ZNF540: variants seen among roughly 807,000 people sequenced by gnomAD.
ZNF540 encodes CTD-3064H18.6.
Under a neutral mutation model 11.8 loss-of-function variants are expected in ZNF540, and 3 were observed. The observed-to-expected ratio is 0.25, with a 90% CI of 0.12 to 0.65. The LOEUF (loss-of-function observed/expected upper bound fraction) is 0.65, where lower values mean the gene tolerates loss of function less well. ZNF540 is among the 30% of genes least tolerant of loss of function. The pLI, the probability that ZNF540 is intolerant of heterozygous loss-of-function variation, is 0.83. For synonymous variants in ZNF540, 247 were observed against 259.0 expected (o/e 0.95, Z 0.45); for missense variants, 709 against 793.1 (o/e 0.89, Z 1.27).
Position 37,612,726 on chromosome 19 carries a change from T to C in ZNF540, c.1446T>C (p.Ile482=), listed in dbSNP as rs1377119147. ...AGACCTTTCGAGTTCGTTCTCAAAT[T>C]AGTCTACATAAGAAAATTCATACTG... ...CGKTFRVRSQ[I]SLHKKIHTDV... Residue 482 remains isoleucine, a synonymous_variant, in exon 5 of 5, where the codon ATT becomes ATC. Coordinates refer to ENST00000316433, the MANE Select transcript of ZNF540 (RefSeq NM_001172225.3). 4 of 1,613,952 alleles carry C rather than the reference T, an allele frequency of 2.5e-6. No individual in the cohort carries two copies. Among genetic ancestry groups the C allele is most frequent in the South Asian group, 1.1e-5 (1 of 91,088 alleles).
At chr19:37,592,295 T>C (rs1407491312), upstream of ZNF540, among the ~76,000 whole-genome samples, 1 of 152,160 alleles carries the variant, frequency 6.6e-6, no homozygotes, top group Non-Finnish European at 1.5e-5. Context: ...AAGTGGACGT[T>C]ATAACCTTTA....
chr19:37,588,616 A>G (rs1222834454), intron 1 of ZNF540, among the ~76,000 whole-genome samples: 1 of 152,232 alleles, frequency 6.6e-6, no homozygotes, highest in Admixed American at 6.5e-5. Context: ...TATCCTGCTC[A>G]CTACCTGGGT....
intron 1 of ZNF540, chr19:37,564,748 A>G: frequency 1.2e-6 from 2 of 1,613,826 alleles, no homozygotes; most frequent in South Asian, 1.1e-5. Context: ...CACATTCCTT[A>G]CATTCATAGG....
At chr19:37,565,648 A>G in intron 1 of ZNF540, 2 of 1,613,358 alleles carry the variant, frequency 1.2e-6, no homozygotes, top group South Asian at 1.1e-5. Context: ...AACAATAACT[A>G]AAGGCTTTTC....
chr19:37,563,941 T>C (rs752491031), intron 1 of ZNF540: 1 of 152,186 alleles, frequency 6.6e-6, no homozygotes, highest in Admixed American at 6.5e-5. Flanking sequence ...CCAAAAACTT[T>C]TGCTTTTGGA....
At chr19:37,555,379 T>G (rs1301147175) in intron 1 of ZNF540, 1 of 158,408 alleles carries the variant, frequency 6.3e-6, no homozygotes, top group East Asian at 1.9e-4. Context: ...TTAAGATACA[T>G]AAGTTTGACA....
upstream of ZNF540, among the ~76,000 whole-genome samples, chr19:37,592,052 G>A (rs181735228): frequency 6.6e-6 from 1 of 152,090 alleles, no homozygotes; most frequent in Admixed American, 6.5e-5. Flanking sequence ...GAGGTCAGGA[G>A]TTGCAGACCA....
intron 1 of ZNF540, chr19:37,586,348 C>T: frequency 3.4e-6 from 1 of 293,062 alleles, no homozygotes; most frequent in East Asian, 6.3e-5. Context: ...AAACACTCAT[C>T]TCTACCTCAC....
intron 4 of ZNF540, among the ~76,000 whole-genome samples, chr19:37,609,325 C>T (rs1335818596): frequency 3.3e-5 from 5 of 152,016 alleles, no homozygotes; most frequent in African/African-American, 9.7e-5. Flanking sequence ...GGGCGGATCA[C>T]AAGGTCAGGG....
At chr19:37,587,032 CT>C (rs2043698916) in intron 1 of ZNF540, 1 of 249,886 alleles carries the variant, frequency 4.0e-6, no homozygotes, top group East Asian at 8.1e-5. Context: ...GACCCAAACA[CT>C]AAGTCAGGTA....
At position 37,612,259 on chromosome 19, in the gene ZNF540, T is replaced by C. The variant is rs1327304030; in HGVS notation, c.979T>C (p.Tyr327His). The C allele has an allele frequency of 3.1e-6, 5 of 1,613,966 alleles. No individual in the cohort carries two copies. Among genetic ancestry groups the C allele is most frequent in the Admixed American group, 3.3e-5 (2 of 60,016 alleles). ...HERIHTGKKP[Y>H]ECKECGKAFS... Reference sequence around the variant, plus strand: ...GAGAATTCATACAGGTAAGAAACCCTATGAATGTAAGGAGTGTGGGAAAGC... The same window carrying C: ...GAGAATTCATACAGGTAAGAAACCCCATGAATGTAAGGAGTGTGGGAAAGC... Residue 327 changes from tyrosine to histidine, a missense_variant, in exon 5 of 5, where the codon TAT becomes CAT. Tyr to His is a moderately conservative substitution (Grantham distance 83, BLOSUM62 2). Coordinates refer to ENST00000316433, the MANE Select transcript of ZNF540 (RefSeq NM_001172225.3).
rs73617163 is a variant in ZNF540 at position 37,583,841 on chromosome 19, G to A, written c.-72-14535G>A. 1.5e-3 allele frequency: 1,306 copies of A among 875,644 alleles called. 14 individuals carry two copies. The African/African-American group carries it at 0.02, about 13-fold the overall frequency. 54.2% of individuals were successfully genotyped at this position (875,644 alleles called of 1,614,324 possible). ...AAGGATAAGAGATAAAAAGGTACAC[G>A]GTGGAGCTGTCCATTTCTACTTCTA... On this transcript the variant is annotated intron_variant, in intron 1 of 4. Coordinates refer to the ZNF540 transcript ENST00000592533.
Position 37,613,692 on chromosome 19 carries a change from G to A in ZNF540, c.*429G>A, listed in dbSNP as rs1370565084. On this transcript the variant is annotated 3_prime_UTR_variant, in exon 5 of 5. Transcript: ENST00000316433. ...ATTATCATCAACATTATTATTAGTG[G>A]ATTTCTTAATAGGAAGATGCAATGG... 7.5e-6 allele frequency: 3 copies of A among 397,464 alleles called. No individual in the cohort carries two copies. The highest frequency in any genetic ancestry group is 7.1e-5 in the East Asian group (2 of 28,014). 24.6% of individuals were successfully genotyped at this position (397,464 alleles called of 1,614,324 possible). A position where few individuals can be genotyped will look rare whatever the true frequency, so the allele number is the denominator to read the frequency against.
chr19:37,583,680 G>C (rs543576600), intron 1 of ZNF540: 7 of 225,006 alleles, frequency 3.1e-5, no homozygotes, highest in Non-Finnish European at 5.3e-5. Context: ...ATTTGGCTTA[G>C]GGACTGCACA....
chr19:37,591,002 A>G (rs993399939), upstream of ZNF540, among the ~76,000 whole-genome samples: 1 of 152,250 alleles, frequency 6.6e-6, no homozygotes, highest in Non-Finnish European at 1.5e-5. Flanking sequence ...AGCATAAAAC[A>G]GAGATACAAG....
chr19:37,574,646 C>G (rs1408824075), intron 1 of ZNF540, among the ~76,000 whole-genome samples: 2 of 152,114 alleles, frequency 1.3e-5, no homozygotes, highest in Non-Finnish European at 2.9e-5. Flanking sequence ...ATCACCATAC[C>G]TAAACTTTTC....
intron 1 of ZNF540, among the ~76,000 whole-genome samples, chr19:37,557,532 C>T (rs770707240): frequency 7.9e-5 from 12 of 152,254 alleles, no homozygotes; most frequent in African/African-American, 2.2e-4. Flanking sequence ...CATCTGTCTC[C>T]GTGGTAACAG....
At chr19:37,584,065 G>A (rs763750519) in intron 1 of ZNF540, 2 of 1,614,144 alleles carry the variant, frequency 1.2e-6, no homozygotes, top group South Asian at 2.2e-5. Flanking sequence ...CCTGAGAGAA[G>A]TCAATGGCCA....
chr19:37,599,120 T>C (rs2044018771), intron 2 of ZNF540, among the ~76,000 whole-genome samples: 1 of 152,220 alleles, frequency 6.6e-6, no homozygotes, highest in Admixed American at 6.5e-5. Flanking sequence ...AGTTCACCAC[T>C]GTACTCCAGC....
Sources: allele counts gnomAD v4.1 joint callset (sites outside exome capture counted in the v4.1 genomes callset), GRCh38; gene constraint gnomAD v4.1.1; transcripts MANE v1.5; gene names NCBI Gene and HGNC (gene_info 2026-07-23, HGNC 2026-07-21).